Variants in MAGI1 observed in about 807,000 individuals in gnomAD.
MAGI1 encodes the protein membrane associated guanylate kinase, WW and PDZ domain containing 1.
A neutral mutation model predicts 139.9 loss-of-function variants in MAGI1; 58 were observed. The observed-to-expected ratio is 0.41, with a 90% CI of 0.34 to 0.52. The LOEUF is 0.52. MAGI1 is among the 20% of genes least tolerant of loss of function. The pLI, the probability that MAGI1 is intolerant of heterozygous loss-of-function variation, is 0.12. For missense variants in MAGI1, 1,874 were observed against 1,901.6 expected, an observed-to-expected ratio of 0.99 and a Z score of 0.27; for synonymous variants, 812 against 737.9, an observed-to-expected ratio of 1.10 and a Z score of -1.63.
intron 1 of MAGI1, among the ~76,000 whole-genome samples, chr3:66,000,447 G>C (rs959167321): frequency 6.6e-6 from 1 of 151,340 alleles, no homozygotes; most frequent in South Asian, 2.1e-4. Flanking sequence ...TAAACGCAGG[G>C]TTTAAAAAAA....
intron 1 of MAGI1, among the ~76,000 whole-genome samples, chr3:65,760,327 G>A (rs2036911256): frequency 6.6e-6 from 1 of 151,570 alleles, no homozygotes; most frequent in African/African-American, 2.4e-5. Flanking sequence ...GAAGAAACTG[G>A]GGACCAGAAA....
At chr3:65,670,642 A>G (rs1456421237) in intron 1 of MAGI1, among the ~76,000 whole-genome samples, 2 of 152,168 alleles carry the variant, frequency 1.3e-5, no homozygotes, top group Non-Finnish European at 2.9e-5. Flanking sequence ...AATGAACCAC[A>G]TAGTTGGTAC....
chr3:65,804,493 T>C (rs2040718349), intron 1 of MAGI1, among the ~76,000 whole-genome samples: 1 of 151,960 alleles, frequency 6.6e-6, no homozygotes, highest in Admixed American at 6.6e-5. Context: ...ATTGATATTA[T>C]ATTAATACAT....
At chr3:65,570,861 T>C (rs1283984516) in intron 2 of MAGI1, among the ~76,000 whole-genome samples, 1 of 152,176 alleles carries the variant, frequency 6.6e-6, no homozygotes, top group African/African-American at 2.4e-5. Flanking sequence ...TGCCTGGTTG[T>C]TTGGGGGGCT....
chr3:65,429,119 T>TA (rs1211523449), intron 12 of MAGI1, among the ~76,000 whole-genome samples: 10 of 152,048 alleles, frequency 6.6e-5, no homozygotes, highest in African/African-American at 2.4e-4. Context: ...GTTATTATTT[T>TA]TTATATATAT....
At chr3:65,695,551 T>C (rs540232405) in intron 1 of MAGI1, among the ~76,000 whole-genome samples, 2 of 152,298 alleles carry the variant, frequency 1.3e-5, no homozygotes, top group East Asian at 3.9e-4. Context: ...CACATCCTTT[T>C]TCTTCCCAGG....
chr3:65,749,158 G>A (rs72908232), intron 1 of MAGI1, among the ~76,000 whole-genome samples: 2 of 152,144 alleles, frequency 1.3e-5, no homozygotes, highest in Non-Finnish European at 2.9e-5. Context: ...TAAGATGCAA[G>A]GCACTCAGTG....
At chr3:65,986,451 T>C (rs1186251727) in intron 1 of MAGI1, among the ~76,000 whole-genome samples, 2 of 152,222 alleles carry the variant, frequency 1.3e-5, no homozygotes, top group African/African-American at 4.8e-5. Flanking sequence ...AACAGAAGTA[T>C]GTAATTAAGA....
chr3:65,919,327 C>G (rs948470554), intron 1 of MAGI1, among the ~76,000 whole-genome samples: 31 of 152,164 alleles, frequency 2.0e-4, no homozygotes, highest in Admixed American at 1.7e-3. Flanking sequence ...CTTTGGGAAG[C>G]TAAGGCAGGA....
chr3:65,365,714 T>G (rs55943050), intron 18 of MAGI1, among the ~76,000 whole-genome samples: 5,238 of 152,290 alleles, frequency 0.034, 132 homozygotes, highest in Non-Finnish European at 0.047. Context: ...CATTATAAGA[T>G]TCACCTGTGC....
At position 65,984,428 on chromosome 3, in the gene MAGI1, T is replaced by C. The variant is rs187928265; in HGVS notation, c.313+53568A>G. ...TTGATACTGGGATGTAAGTGCTTCA[T>C]GGAACTGTGATGACCAATCTGCATG... On this transcript the variant is annotated intron_variant, in intron 1 of 22. Transcript: ENST00000402939. Among the ~76,000 whole-genome samples, 13 of 152,290 alleles carry C rather than the reference T, an allele frequency of 8.5e-5. No homozygotes were observed. The East Asian group carries it at 2.5e-3, about 29-fold the overall frequency.
intron 1 of MAGI1, among the ~76,000 whole-genome samples, chr3:65,725,084 A>G (rs1499500): frequency 0.3 from 46,369 of 152,070 alleles, 7,640 homozygotes; most frequent in African/African-American, 0.38. Flanking sequence ...GAGTCAAAAA[A>G]ACTCAATATT....
At chr3:65,598,752 C>T (rs1022203963) in intron 2 of MAGI1, among the ~76,000 whole-genome samples, 1 of 152,172 alleles carries the variant, frequency 6.6e-6, no homozygotes, top group Admixed American at 6.5e-5. Context: ...AGGCTGGCCT[C>T]TGGTGCAGAT....
chr3:65,744,200 G>A (rs1188596517), intron 1 of MAGI1, among the ~76,000 whole-genome samples: 1 of 152,188 alleles, frequency 6.6e-6, no homozygotes, highest in South Asian at 2.1e-4. Context: ...CTTCTAGCTA[G>A]TTTTCAGGTT....
At chr3:65,916,506 G>A (rs1416691373) in intron 1 of MAGI1, among the ~76,000 whole-genome samples, 1 of 152,136 alleles carries the variant, frequency 6.6e-6, no homozygotes, top group Non-Finnish European at 1.5e-5. Context: ...AGAGCCAAGT[G>A]AAAGAGGAAA....
At chr3:65,652,562 C>G (rs1324900383) in intron 1 of MAGI1, among the ~76,000 whole-genome samples, 1 of 152,170 alleles carries the variant, frequency 6.6e-6, no homozygotes. Context: ...TAAAATCACC[C>G]TCAGTTGAGA....
intron 1 of MAGI1, among the ~76,000 whole-genome samples, chr3:66,015,089 T>C (rs1309485860): frequency 1.4e-5 from 2 of 145,910 alleles, no homozygotes; most frequent in African/African-American, 5.1e-5. Flanking sequence ...ATGCCTGTAA[T>C]CCCAGCACCT....
chr3:65,502,300 G>A (rs926001037), intron 2 of MAGI1, among the ~76,000 whole-genome samples: 5 of 152,236 alleles, frequency 3.3e-5, no homozygotes, highest in African/African-American at 7.2e-5. Context: ...CTCTGAGCCC[G>A]AGGTCTGAAT....
In MAGI1 at chr3:65,632,676, C is replaced by T. The variant is rs923401374; in HGVS notation, c.314-10588G>A. 6.0e-4 allele frequency among the ~76,000 whole-genome samples: 92 copies of T among 152,310 alleles called. 1 individual carries two copies. The highest frequency in any genetic ancestry group is 2.1e-3 in the African/African-American group (89 of 41,562). On this transcript the variant is annotated intron_variant, in intron 1 of 22. Coordinates refer to ENST00000402939, the MANE Select transcript of MAGI1 (RefSeq NM_001033057.2). ...GAGAGTGCACATGAACTCTATCCAA[C>T]TGCTCAATTCTGCTTCTGTAGTGTG...
Sources: allele counts gnomAD v4.1 joint callset (sites outside exome capture counted in the v4.1 genomes callset), GRCh38; gene constraint gnomAD v4.1.1; transcripts MANE v1.5; gene names NCBI Gene and HGNC (gene_info 2026-07-23, HGNC 2026-07-21).